PCDH7: variants seen among roughly 807,000 people sequenced by gnomAD.
PCDH7 encodes protocadherin 7, also known as protocadherin-7.
Under a neutral mutation model 58.9 loss-of-function variants are expected in PCDH7, and 17 were observed. The ratio of observed to expected loss-of-function variants is 0.29; its 90% confidence interval spans 0.20 to 0.43. PCDH7 has a LOEUF of 0.43. Among genes scored for constraint, PCDH7 ranks in the 20% least tolerant of loss-of-function variants. PCDH7 has a pLI of 1.00. For synonymous variants in PCDH7, 664 were observed against 616.4 expected, an observed-to-expected ratio of 1.08 and a Z score of -1.14; for missense variants, 1,274 against 1,441.0, an observed-to-expected ratio of 0.88 and a Z score of 1.88.
intron 1 of PCDH7, among the ~76,000 whole-genome samples, chr4:30,919,206 C>T (rs1481142150): frequency 2.1e-5 from 3 of 142,200 alleles, no homozygotes; most frequent in African/African-American, 5.4e-5. Context: ...ACTGACATTA[C>T]AGAACATTTT....
At chr4:30,794,608 ATTTAAG>A (rs1384010398) in intron 1 of PCDH7, among the ~76,000 whole-genome samples, 1 of 138,570 alleles carries the variant, frequency 7.2e-6, no homozygotes, top group South Asian at 2.2e-4. Context: ...GAAGGGAGAC[ATTTAAG>A]TTTAATTTTT....
intron 1 of PCDH7, among the ~76,000 whole-genome samples, chr4:30,872,823 T>C (rs4269140): frequency 6.6e-6 from 1 of 151,822 alleles, no homozygotes; most frequent in East Asian, 1.9e-4. Flanking sequence ...GTGCTTCATT[T>C]TTTCTCATCA....
chr4:30,782,795 A>T (rs1204705290), intron 1 of PCDH7, among the ~76,000 whole-genome samples: 2 of 152,202 alleles, frequency 1.3e-5, no homozygotes, highest in East Asian at 1.9e-4. Context: ...ACTTGTTCAG[A>T]TTCTTCTGTG....
chr4:30,728,244 T>A (rs1233494012), intron 1 of PCDH7, among the ~76,000 whole-genome samples: 1 of 141,874 alleles, frequency 7.0e-6, no homozygotes, highest in Non-Finnish European at 1.5e-5. Context: ...TGTCAATTCA[T>A]TTGTGTGTGT....
At chr4:30,926,988 G>A (rs371526337) in intron 2 of PCDH7, among the ~76,000 whole-genome samples, 14 of 151,912 alleles carry the variant, frequency 9.2e-5, no homozygotes, top group African/African-American at 2.4e-4. Flanking sequence ...ATGTGTGGCC[G>A]TATTACCCTT....
At chr4:31,137,820 C>A (rs1451967705) in intron 3 of PCDH7, among the ~76,000 whole-genome samples, 1 of 152,074 alleles carries the variant, frequency 6.6e-6, no homozygotes. Flanking sequence ...TACAGTTTTA[C>A]ATATCTGATC....
chr4:30,753,646 G>T (rs1718867177), intron 1 of PCDH7, among the ~76,000 whole-genome samples: 1 of 152,122 alleles, frequency 6.6e-6, no homozygotes, highest in South Asian at 2.1e-4. Flanking sequence ...GGCTCTGGTT[G>T]TCATTCAGTA....
intron 3 of PCDH7, among the ~76,000 whole-genome samples, chr4:30,971,296 A>G (rs981630540): frequency 1.3e-5 from 2 of 152,224 alleles, no homozygotes; most frequent in South Asian, 2.1e-4. Flanking sequence ...AAACAAAACA[A>G]TATCTCCATG....
chr4:30,752,800 A>C (rs1718738215), intron 1 of PCDH7, among the ~76,000 whole-genome samples: 1 of 149,880 alleles, frequency 6.7e-6, no homozygotes, highest in Admixed American at 6.6e-5. Context: ...AAAAAAAAAA[A>C]AAGAAAGAAA....
rs994996480 is a variant in PCDH7 at position 30,874,607 on chromosome 4, C to G, written c.71-45546C>G. On this transcript the variant is annotated intron_variant, in intron 1 of 3. Coordinates refer to the PCDH7 transcript ENST00000509759. The stretch of plus-strand genomic sequence containing the variant: ...CTAATGCTAAATGACGAGTTAATGG[C>G]TGCAGCACACCAGCATGGCACATGT... Among the ~76,000 whole-genome samples the G allele has an allele frequency of 3.3e-5, 5 of 151,614 alleles. No homozygotes were observed. In the South Asian group the frequency reaches 6.3e-4, roughly 19 times the overall value.
rs549859557 is a variant in PCDH7 at position 30,765,124 on chromosome 4, G to C, written c.70+40528G>C. ...GGGAAAGAGAGATAGGACTTCAGAT[G>C]CTTTTTTTTTTTTTTTTTTTTTTTT... On this transcript the variant is annotated intron_variant, in intron 1 of 3. Coordinates refer to the PCDH7 transcript ENST00000509759. 8.3e-5 allele frequency among the ~76,000 whole-genome samples: 3 copies of C among 36,062 alleles called. No homozygotes were observed. The South Asian group carries it at 2.7e-3, about 33-fold the overall frequency. 23.7% of individuals were successfully genotyped at this position (36,062 alleles called of 152,430 possible). A position where few individuals can be genotyped will look rare whatever the true frequency, so the allele number is the denominator to read the frequency against.
In PCDH7 at chr4:30,722,486, G is replaced by C; in HGVS notation, c.1064G>C (p.Arg355Thr). ...TTCGGGGCGGCCACCGAGTCGGTGA[G>C]GCGGCTGCTGCGCCTTGACGAGACG... Residue 355 changes from arginine to threonine, a missense_variant, in exon 1 of 2, where the codon AGG (arginine) becomes ACG (threonine). By Grantham distance (71) the Arg-to-Thr change is moderately conservative. Around this residue, in one of 3 missense-constraint regions of PCDH7, gnomAD observed 331 missense variants for 303.2 expected, o/e 1.09. Coordinates refer to ENST00000361762, the Ensembl canonical transcript of PCDH7. The surrounding 1 kb of genome is among the most constrained non-coding windows in gnomAD (Gnocchi z 7.6). 1 of 1,609,474 alleles carries C rather than the reference G, an allele frequency of 6.2e-7. No individual in the cohort carries two copies. Among genetic ancestry groups the C allele is most frequent in the Non-Finnish European group, 8.5e-7 (1 of 1,178,278 alleles).
At chr4:30,866,302 C>T (rs919117373) in intron 1 of PCDH7, among the ~76,000 whole-genome samples, 1 of 152,070 alleles carries the variant, frequency 6.6e-6, no homozygotes, top group East Asian at 1.9e-4. Context: ...AACATATCTA[C>T]ATTATTTCAT....
chr4:31,063,710 A>T (rs1197508796), intron 3 of PCDH7, among the ~76,000 whole-genome samples: 1 of 151,896 alleles, frequency 6.6e-6, no homozygotes, highest in Non-Finnish European at 1.5e-5. Flanking sequence ...AAATTAATGT[A>T]TTCAGTATTT....
At chr4:30,847,744 T>C (rs1323483041) in intron 1 of PCDH7, among the ~76,000 whole-genome samples, 2 of 152,142 alleles carry the variant, frequency 1.3e-5, no homozygotes, top group Admixed American at 1.3e-4. Flanking sequence ...TGCAGTATGA[T>C]TTTTATTTCA....
intron 3 of PCDH7, among the ~76,000 whole-genome samples, chr4:31,064,410 G>A (rs1326537074): frequency 6.6e-6 from 1 of 151,882 alleles, no homozygotes; most frequent in African/African-American, 2.4e-5. Flanking sequence ...CTTTGTATGT[G>A]GCAACAAAAT....
rs553337841 is a variant in PCDH7 at position 30,833,287 on chromosome 4, C to A, written c.71-86866C>A. Among the ~76,000 whole-genome samples, 15 of 152,186 alleles carry A rather than the reference C, an allele frequency of 9.9e-5. 1 individual carries two copies. In the South Asian group the frequency reaches 2.9e-3, roughly 30 times the overall value. ...CTAAAATCCAGATATCAGCAGGATT[C>A]CTGGAGGCTCTAGGGGAGGATATGT... is the stretch of plus-strand genomic sequence containing the variant. On this transcript the variant is annotated intron_variant, in intron 1 of 3. Transcript: ENST00000509759.
chr4:30,889,228 G>T (rs767020637), intron 1 of PCDH7, among the ~76,000 whole-genome samples: 1 of 151,068 alleles, frequency 6.6e-6, no homozygotes. Flanking sequence ...ATTAGAAAGC[G>T]GAAACACTTT....
chr4:30,940,297 A>G (rs567163196), intron 2 of PCDH7, among the ~76,000 whole-genome samples: 5 of 152,114 alleles, frequency 3.3e-5, no homozygotes, highest in African/African-American at 1.2e-4. Context: ...TTTGATTGAA[A>G]TTCTATTGAC....
Sources: gnomAD v4.1 joint callset for allele counts (sites outside exome capture counted in the v4.1 genomes callset) on GRCh38, gnomAD v4.1.1 for gene constraint, gnomAD v4.1.1 regional missense constraint, Gnocchi (gnomAD v3.1) non-coding constraint, MANE v1.5 for transcripts, NCBI Gene and HGNC (gene_info 2026-07-23, HGNC 2026-07-21) for gene names.